Variants in ASXL3 observed in about 807,000 individuals in gnomAD.
The protein encoded by ASXL3 is ASXL transcriptional regulator 3.
ASXL3 carries 34 observed loss-of-function variants against 170.6 expected under a neutral mutation model. The observed-to-expected ratio is 0.20, with a 90% CI of 0.15 to 0.27. The LOEUF (loss-of-function observed/expected upper bound fraction) is 0.27. ASXL3 is among the 10% of genes least tolerant of loss of function. The pLI is 1.00. For missense variants in ASXL3, 2,592 were observed against 2,695.3 expected (o/e 0.96, Z 0.85); for synonymous variants, 1,002 against 989.1 (o/e 1.01, Z -0.24).
At chr18:33,671,721 G>T (rs372201006) in intron 6 of ASXL3, 26 bp from the exon 7 acceptor site, 86 of 1,565,642 alleles carry the variant, frequency 5.5e-5, no homozygotes, top group Admixed American at 7.5e-5. Flanking sequence ...AGAAGATAAT[G>T]ACATAATAAC....
intron 2 of ASXL3, among the ~76,000 whole-genome samples, chr18:33,624,586 A>G (rs367855195): frequency 2.6e-5 from 4 of 152,132 alleles, no homozygotes; most frequent in Middle Eastern, 3.2e-3. Context: ...TAACAGTAGT[A>G]TCCCGACAGT....
In ASXL3 at chr18:33,679,670, G is replaced by T. The variant is rs117244782; in HGVS notation, c.716-3735G>T. The stretch of plus-strand genomic sequence containing the variant: ...GTGCTTTGTGTGTATGTGGGAAAGA[G>T]GGCGTTGCGTACTGATTCATTTTTT... On this transcript the variant is annotated intron_variant, in intron 7 of 11. Transcript: ENST00000269197. 7.5e-3 allele frequency among the ~76,000 whole-genome samples: 1,142 copies of T among 152,120 alleles called. 5 individuals are homozygous for T. The highest frequency in any genetic ancestry group is 0.011 in the Non-Finnish European group (760 of 67,922).
intron 2 of ASXL3, among the ~76,000 whole-genome samples, chr18:33,615,460 G>A (rs35738516): frequency 0.56 from 85,669 of 151,916 alleles, 25,125 homozygotes; most frequent in African/African-American, 0.69. Context: ...TAACAGATAT[G>A]ATAATAATGA....
intron 8 of ASXL3, among the ~76,000 whole-genome samples, chr18:33,699,690 C>T (rs1401747001): frequency 1.3e-5 from 2 of 151,928 alleles, no homozygotes; most frequent in Non-Finnish European, 2.9e-5. Flanking sequence ...GAAAATGGAA[C>T]GTGTGCAATG....
intron 2 of ASXL3, among the ~76,000 whole-genome samples, chr18:33,642,262 G>A (rs1484961051): frequency 6.6e-6 from 1 of 151,922 alleles, no homozygotes; most frequent in Admixed American, 6.6e-5. Flanking sequence ...AATTGATGAG[G>A]ATAGCAGCAA....
intron 8 of ASXL3, among the ~76,000 whole-genome samples, chr18:33,722,175 A>G (rs988896493): frequency 3.3e-5 from 5 of 152,080 alleles, no homozygotes; most frequent in African/African-American, 7.2e-5. Context: ...AATTAGGCCA[A>G]TTAATAACCC....
chr18:33,645,294 A>G (rs1015980897), intron 3 of ASXL3, among the ~76,000 whole-genome samples: 1 of 151,994 alleles, frequency 6.6e-6, no homozygotes, highest in African/African-American at 2.4e-5. Flanking sequence ...GTCATTGGCC[A>G]GGAGTTTAAG....
At chr18:33,597,745 G>A (rs924481245) in intron 1 of ASXL3, among the ~76,000 whole-genome samples, 1 of 149,864 alleles carries the variant, frequency 6.7e-6, no homozygotes, top group Admixed American at 6.7e-5. Context: ...CCTGGTATAA[G>A]TGAATTAAAA....
chr18:33,663,978 A>G (rs1037099285), intron 5 of ASXL3, among the ~76,000 whole-genome samples: 1 of 152,100 alleles, frequency 6.6e-6, no homozygotes, highest in Non-Finnish European at 1.5e-5. Flanking sequence ...GTTTGTGAAT[A>G]TATGTTTCTT....
chr18:33,599,280 A>T (rs1220923513), intron 1 of ASXL3, among the ~76,000 whole-genome samples: 2 of 152,204 alleles, frequency 1.3e-5, no homozygotes, highest in African/African-American at 2.4e-5. Flanking sequence ...AATTTCAGCC[A>T]GTCATTTGAT....
intron 2 of ASXL3, among the ~76,000 whole-genome samples, chr18:33,642,217 C>G (rs1053260188): frequency 6.6e-6 from 1 of 151,808 alleles, no homozygotes; most frequent in African/African-American, 2.4e-5. Context: ...GATATTTCTG[C>G]AGAAAATGTT....
At chr18:33,635,665 G>A (rs919507176) in intron 2 of ASXL3, among the ~76,000 whole-genome samples, 2 of 152,106 alleles carry the variant, frequency 1.3e-5, no homozygotes, top group Admixed American at 6.6e-5. Flanking sequence ...CTATTTTATC[G>A]ATGCATACAC....
intron 1 of ASXL3, among the ~76,000 whole-genome samples, chr18:33,580,648 A>G (rs2064984023): frequency 6.6e-6 from 1 of 152,208 alleles, no homozygotes; most frequent in Admixed American, 6.5e-5. Context: ...TAATAATGAT[A>G]TATCTGTATT....
At chr18:33,735,612 C>T (rs984071686) in intron 10 of ASXL3, among the ~76,000 whole-genome samples, 3 of 152,084 alleles carry the variant, frequency 2.0e-5, no homozygotes, top group African/African-American at 7.2e-5. Context: ...CCAGGTCATG[C>T]TGATGCCCAG....
intron 8 of ASXL3, among the ~76,000 whole-genome samples, chr18:33,726,604 G>A (rs947031474): frequency 6.6e-6 from 1 of 152,164 alleles, no homozygotes; most frequent in Non-Finnish European, 1.5e-5. Flanking sequence ...TTAAGAAAAT[G>A]CATTATTGAA....
chr18:33,713,415 G>A (rs1426557367), intron 8 of ASXL3, among the ~76,000 whole-genome samples: 5 of 149,086 alleles, frequency 3.4e-5, no homozygotes, highest in African/African-American at 1.2e-4. Context: ...CTGCCACCAC[G>A]CCTGGCTAAT....
chr18:33,579,034 T>G (rs1391698858), intron 1 of ASXL3: 1 of 164,104 alleles, frequency 6.1e-6, no homozygotes, highest in Non-Finnish European at 1.3e-5. Flanking sequence ...GAGACCTTTG[T>G]GTGGCAATTA....
chr18:33,677,595 G>A (rs1258961718), intron 7 of ASXL3, among the ~76,000 whole-genome samples: 1 of 152,106 alleles, frequency 6.6e-6, no homozygotes, highest in Non-Finnish European at 1.5e-5. Context: ...AAAAGATAGG[G>A]ACATAATTAC....
At chr18:33,613,932 A>G (rs1358978548) in intron 2 of ASXL3, among the ~76,000 whole-genome samples, 1 of 152,090 alleles carries the variant, frequency 6.6e-6, no homozygotes, top group African/African-American at 2.4e-5. Context: ...CTGAAAACCA[A>G]TGATAACAAT....
Sources: gnomAD v4.1 joint callset for allele counts (sites outside exome capture counted in the v4.1 genomes callset) on GRCh38, gnomAD v4.1.1 for gene constraint, MANE v1.5 for transcripts, NCBI Gene and HGNC (gene_info 2026-07-23, HGNC 2026-07-21) for gene names.